Variants in MUC17 observed in about 807,000 individuals in gnomAD.
MUC17 encodes the protein mucin 17, cell surface associated, also known as mucin-17.
A neutral mutation model predicts 170.3 loss-of-function variants in MUC17; 190 were observed. The observed-to-expected ratio is 1.12, with a 90% CI of 0.99 to 1.26. The LOEUF (loss-of-function observed/expected upper bound fraction) is 1.26. Ranked by LOEUF, MUC17 falls within the 50% of genes most tolerant of loss-of-function variation. The probability of loss-of-function intolerance (pLI) is 0.00; values close to 1 mark genes in which losing one functional copy is unlikely to be tolerated. For missense variants in MUC17, 6,415 were observed against 5,530.0 expected (o/e 1.16, Z -5.08); for synonymous variants, 2,325 against 2,002.5 (o/e 1.16, Z -4.30).
chr7:101,047,042 C>G (rs752202812), intron 3 of MUC17, among the ~76,000 whole-genome samples: 42 of 151,074 alleles, frequency 2.8e-4, no homozygotes, highest in Non-Finnish European at 5.3e-4. Context: ...GATCACGCCA[C>G]TGCACTCCAG....
Position 101,039,635 on chromosome 7 carries a change from G to C in MUC17, c.8219G>C (p.Ser2740Thr). 1 of 1,610,520 alleles carries C rather than the reference G, an allele frequency of 6.2e-7. No homozygotes were observed. The highest frequency in any genetic ancestry group is 2.2e-5 in the East Asian group (1 of 44,620). The change falls in exon 3 of 13, where the codon AGC (serine) becomes ACC (threonine). Residue 2740 changes from serine to threonine, a missense_variant. Physicochemically the swap from Ser to Thr is moderately conservative, Grantham distance 58 (BLOSUM62 1). Coordinates refer to ENST00000306151, the MANE Select transcript of MUC17 (RefSeq NM_001040105.2). ...TCTCCTACAACTGCTGAAGGTACCAGCATGCGAATCTCAACTCCTAGTGAT... is the reference window on the plus strand; with the variant it reads ...TCTCCTACAACTGCTGAAGGTACCACCATGCGAATCTCAACTCCTAGTGAT... ...SSSPTTAEGT[S>T]MRISTPSDGS...
At position 101,040,565 on chromosome 7, in the gene MUC17, G is replaced by T. The variant is rs374304267; in HGVS notation, c.9149G>T (p.Ser3050Ile). The T allele has an allele frequency of 3.7e-6, 6 of 1,611,182 alleles. 1 individual carries two copies. In the African/African-American group the frequency reaches 4.0e-5, roughly 11 times the overall value. Residue 3050 changes from serine (S) to isoleucine (I), a missense_variant, in exon 3 of 13, where the codon AGT becomes ATT. Coordinates refer to ENST00000306151, the MANE Select transcript of MUC17 (RefSeq NM_001040105.2). ...AGTGAAGGAAGTACTCCATTAACAA[G>T]TATACCTGTCAGCACCACGCCAGTG... ...TPSEGSTPLT[S>I]IPVSTTPVAI...
chr7:101,028,666 C>T (rs1291477267), intron 1 of MUC17, among the ~76,000 whole-genome samples: 10 of 151,678 alleles, frequency 6.6e-5, no homozygotes, highest in Admixed American at 6.6e-4. Flanking sequence ...TCCCTTGAGG[C>T]CCAGAGTTCA....
chr7:101,045,744 G>T (rs750128805), intron 3 of MUC17, among the ~76,000 whole-genome samples: 27 of 152,092 alleles, frequency 1.8e-4, no homozygotes, highest in Non-Finnish European at 3.2e-4. Context: ...ATATATCTTT[G>T]TCTTCTTGAG....
intron 3 of MUC17, among the ~76,000 whole-genome samples, chr7:101,044,629 G>T (rs1311961602): frequency 6.6e-6 from 1 of 152,156 alleles, no homozygotes; most frequent in Non-Finnish European, 1.5e-5. Context: ...CTGTCCAGAA[G>T]TCCTGTTTTC....
chr7:101,041,937 G>T lies in MUC17; in HGVS notation c.10521G>T (p.Met3507Ile). 1 of 1,612,496 alleles carries T rather than the reference G, an allele frequency of 6.2e-7. No individual in the cohort carries two copies. The highest frequency in any genetic ancestry group is 8.5e-7 in the Non-Finnish European group (1 of 1,179,558). Reference sequence around the variant, plus strand: ...CTACAACTGCTGAAGTTACCAGCATGCCAACATCAACTGCTGGTGAAGGAA... The same window carrying T: ...CTACAACTGCTGAAGTTACCAGCATTCCAACATCAACTGCTGGTGAAGGAA... The part of the protein sequence containing the change: ...SSPTTAEVTS[M>I]PTSTAGEGST... Residue 3507 changes from methionine (M) to isoleucine (I), a missense_variant, in exon 3 of 13, where the codon ATG becomes ATT. Transcript: ENST00000306151.
chr7:101,040,727 G>A lies in MUC17; in HGVS notation c.9311G>A (p.Ser3104Asn). The change falls in exon 3 of 13, where the codon AGC becomes AAC. Residue 3104 changes from serine to asparagine, a missense_variant. Coordinates refer to ENST00000306151, the MANE Select transcript of MUC17 (RefSeq NM_001040105.2). ...SMPISTYSEG[S>N]TPLTGVPVST... The stretch of plus-strand genomic sequence containing the variant: ...CCAATCTCAACTTATAGTGAAGGAA[G>A]CACTCCATTAACAGGTGTGCCTGTC... The A allele has an allele frequency of 6.2e-7, 1 of 1,612,970 alleles. No individual in the cohort carries two copies. Among genetic ancestry groups the A allele is most frequent in the South Asian group, 1.1e-5 (1 of 91,034 alleles).
At position 101,035,100 on chromosome 7, in the gene MUC17, C is replaced by T; in HGVS notation, c.3684C>T (p.His1228=). The T allele has an allele frequency of 1.2e-6, 2 of 1,612,186 alleles. No homozygotes were observed. The highest frequency in any genetic ancestry group is 1.7e-6 in the Non-Finnish European group (2 of 1,179,214). The stretch of plus-strand genomic sequence containing the variant: ...CATTAACAAGTATGCCTGTCAGACA[C>T]ACGCCAGTGGCCAGTTCTGAGGCTA... The part of the protein sequence containing the change: ...STPLTSMPVR[H]TPVASSEAST... The change falls in exon 3 of 13, where the codon CAC becomes CAT. Residue 1228 remains histidine (H), a synonymous_variant. Transcript: ENST00000306151.
chr7:101,049,534 T>G, intron 6 of MUC17, 152 bp downstream of exon 6: 3 of 1,096,898 alleles, frequency 2.7e-6, no homozygotes, highest in Non-Finnish European at 3.8e-6. Context: ...CAGAAATCTA[T>G]TTCTCCCAGT....
rs775546915 is a variant in MUC17, at chr7:101,031,803, C to T, written c.387C>T (p.Phe129=). Residue 129 remains phenylalanine, a synonymous_variant, in exon 3 of 13, where the codon TTC becomes TTT. Transcript: ENST00000306151. The part of the protein sequence containing the change: ...SESTSDSTTL[F]PSSTEDTSSP... ...CTACCAGTGACAGCACCACACTTTTCCCCAGTTCTACTGAAGACACTTCAT... is the reference window on the plus strand; with the variant it reads ...CTACCAGTGACAGCACCACACTTTTTCCCAGTTCTACTGAAGACACTTCAT... 24 of 1,610,620 alleles carry T rather than the reference C, an allele frequency of 1.5e-5. No homozygotes were observed. The highest frequency in any genetic ancestry group is 2.0e-5 in the Non-Finnish European group (24 of 1,176,946).
intron 3 of MUC17, among the ~76,000 whole-genome samples, chr7:101,045,305 C>G (rs921523501): frequency 3.9e-5 from 6 of 152,268 alleles, no homozygotes; most frequent in South Asian, 2.1e-4. Flanking sequence ...GGTTCTTCAG[C>G]TTTTGACTAC....
In MUC17 at chr7:101,037,516, A is replaced by G; in HGVS notation, c.6100A>G (p.Ile2034Val). 2 of 1,613,912 alleles carry G rather than the reference A, an allele frequency of 1.2e-6. No homozygotes were observed. Among genetic ancestry groups the G allele is most frequent in the South Asian group, 2.2e-5 (2 of 91,056 alleles). ...SSPTTAGGTS[I>V]QTSTPSERTT... Reference sequence around the variant, plus strand: ...TCCTACAACTGCAGGAGGTACCAGCATACAAACCTCAACTCCTAGTGAACG... The same window carrying G: ...TCCTACAACTGCAGGAGGTACCAGCGTACAAACCTCAACTCCTAGTGAACG... The change falls in exon 3 of 13, where the codon ATA (isoleucine) becomes GTA (valine). Residue 2034 changes from isoleucine to valine, a missense_variant. By Grantham distance (29) the Ile-to-Val change is conservative. Coordinates refer to ENST00000306151, the MANE Select transcript of MUC17 (RefSeq NM_001040105.2).
Position 101,036,599 on chromosome 7 carries a change from G to A in MUC17, c.5183G>A (p.Arg1728His), listed in dbSNP as rs140602043. 348 of 1,611,528 alleles carry A rather than the reference G, an allele frequency of 2.2e-4. No individual in the cohort carries two copies. Among genetic ancestry groups the A allele is most frequent in the African/African-American group, 1.4e-3 (103 of 74,304 alleles). The change falls in exon 3 of 13, where the codon CGT becomes CAT. Residue 1728 changes from arginine to histidine, a missense_variant. Arg to His is a conservative substitution (Grantham distance 29, BLOSUM62 0). Coordinates refer to ENST00000306151, the MANE Select transcript of MUC17 (RefSeq NM_001040105.2). ...CCTGTGACCACTTCTACTGAAGCCC[G>A]TTCATCTCCTACAACTTCTGAAGGT... ...STPVTTSTEARSSPTTSEGTS... is the reference protein window; with the variant it reads ...STPVTTSTEAHSSPTTSEGTS...
chr7:101,041,594 G>T lies in MUC17; in HGVS notation c.10178G>T (p.Ser3393Ile). The T allele has an allele frequency of 6.3e-7, 1 of 1,579,582 alleles. No homozygotes were observed. Among genetic ancestry groups the T allele is most frequent in the South Asian group, 1.1e-5 (1 of 88,252 alleles). ...TAEGTSIPTS[S>I]PSEGTTPLAS... ...GAAGGTACCAGCATACCAACCTCAA[G>T]TCCTAGTGAAGGAACCACTCCATTA... is the stretch of plus-strand genomic sequence containing the variant. Residue 3393 changes from serine to isoleucine, a missense_variant, in exon 3 of 13, where the codon AGT (serine) becomes ATT (isoleucine). Ser to Ile is a moderately radical substitution (Grantham distance 142). Transcript: ENST00000306151.
chr7:101,027,628 T>C (rs1794204503), intron 1 of MUC17, among the ~76,000 whole-genome samples: 1 of 152,220 alleles, frequency 6.6e-6, no homozygotes, highest in Admixed American at 6.5e-5. Context: ...AGCTGTGGGC[T>C]TATAGTTTTT....
At position 101,034,676 on chromosome 7, in the gene MUC17, A is replaced by C; in HGVS notation, c.3260A>C (p.Asp1087Ala). 1.2e-6 allele frequency: 2 copies of C among 1,606,820 alleles called. No homozygotes were observed. The highest frequency in any genetic ancestry group is 1.7e-6 in the Non-Finnish European group (2 of 1,175,772). The change falls in exon 3 of 13, where the codon GAC becomes GCC. Residue 1087 changes from aspartate (D) to alanine (A), a missense_variant. Asp to Ala is a moderately radical substitution (Grantham distance 126). Coordinates refer to ENST00000306151, the MANE Select transcript of MUC17 (RefSeq NM_001040105.2). Reference sequence around the variant, plus strand: ...GCCAGTTCATCTTCTACAACTGCTGACGGTACCAGCATGCCAACCTCAACT... The same window carrying C: ...GCCAGTTCATCTTCTACAACTGCTGCCGGTACCAGCATGCCAACCTCAACT... Reference protein sequence around the residue: ...SQASSSSTTADGTSMPTSTYS... With the variant: ...SQASSSSTTAAGTSMPTSTYS...
intron 1 of MUC17, among the ~76,000 whole-genome samples, chr7:101,026,165 CA>C (rs1316053316): frequency 1.3e-5 from 2 of 152,228 alleles, no homozygotes; most frequent in Non-Finnish European, 2.9e-5. Context: ...TCTTAGGGGT[CA>C]GTGGATCAGG....
At chr7:101,045,075 A>G (rs1355595376) in intron 3 of MUC17, among the ~76,000 whole-genome samples, 1 of 152,216 alleles carries the variant, frequency 6.6e-6, no homozygotes, top group Non-Finnish European at 1.5e-5. Context: ...ACCTGCTATT[A>G]TAATATCCTG....
At chr7:101,027,413 A>G (rs1190669478) in intron 1 of MUC17, among the ~76,000 whole-genome samples, 1 of 151,936 alleles carries the variant, frequency 6.6e-6, no homozygotes, top group African/African-American at 2.4e-5. Flanking sequence ...GATTACAAGC[A>G]TGAACCACCA....
Sources: gnomAD v4.1 joint callset for allele counts (sites outside exome capture counted in the v4.1 genomes callset) on GRCh38, gnomAD v4.1.1 for gene constraint, MANE v1.5 for transcripts, NCBI Gene and HGNC (gene_info 2026-07-23, HGNC 2026-07-21) for gene names.